The following HSD11B1L variants were observed in gnomAD, a reference collection of about 807,000 sequenced individuals.
HSD11B1L encodes hydroxysteroid 11-beta dehydrogenase 1 like.
In HSD11B1L, 22 loss-of-function variants were observed where a neutral mutation model predicts 27.0. That is an observed-to-expected ratio of 0.81 (90% CI 0.58 to 1.16). HSD11B1L has a LOEUF of 1.16. Ranked by LOEUF, HSD11B1L falls within the 50% of genes most tolerant of loss-of-function variation. The pLI, the probability that HSD11B1L is intolerant of heterozygous loss-of-function variation, is 0.00. For missense variants in HSD11B1L, 372 were observed against 401.8 expected, an observed-to-expected ratio of 0.93 and a Z score of 0.63; for synonymous variants, 187 against 189.2, an observed-to-expected ratio of 0.99 and a Z score of 0.09.
intron 1 of HSD11B1L, among the ~76,000 whole-genome samples, chr19:5,683,554 G>C (rs1193878371): frequency 6.6e-6 from 1 of 152,172 alleles, no homozygotes; most frequent in East Asian, 1.9e-4. Context: ...TGCCCTTATG[G>C]AGCTGATGGT....
chr19:5,681,742 A>G (rs924177061), intron 1 of HSD11B1L, among the ~76,000 whole-genome samples: 1 of 147,562 alleles, frequency 6.8e-6, no homozygotes, highest in African/African-American at 2.6e-5. Flanking sequence ...TCATCCATCT[A>G]TCCACCCATA....
chr19:5,682,013 C>T (rs958861993), intron 1 of HSD11B1L, among the ~76,000 whole-genome samples: 1 of 152,168 alleles, frequency 6.6e-6, no homozygotes, highest in Non-Finnish European at 1.5e-5. Flanking sequence ...GGTGGAAGCT[C>T]GTTTCTTGCT....
Position 5,688,273 on chromosome 19 carries a change from C to A in HSD11B1L, c.*328C>A, listed in dbSNP as rs982719401. The A allele has an allele frequency of 2.5e-6, 3 of 1,195,688 alleles. No individual in the cohort carries two copies. The highest frequency in any genetic ancestry group is 3.5e-6 in the Non-Finnish European group (3 of 862,730). 74.1% of individuals were successfully genotyped at this position (1,195,688 alleles called of 1,614,324 possible). A position where few individuals can be genotyped will look rare whatever the true frequency, so the allele number is the denominator to read the frequency against. On this transcript the variant is annotated 3_prime_UTR_variant, in exon 8 of 8. Coordinates refer to ENST00000339423, the MANE Select transcript of HSD11B1L (RefSeq NM_198706.3). The stretch of plus-strand genomic sequence containing the variant: ...ACGCCACCCTTGAGCCACCCATGGA[C>A]CCCTCTCCATCTCCTGCCTGCGCCT...
At chr19:5,684,736 G>A in intron 1 of HSD11B1L, 83 bp from the exon 2 acceptor site, 1 of 1,598,352 alleles carries the variant, frequency 6.3e-7, no homozygotes, top group South Asian at 1.1e-5. Flanking sequence ...ATCCAAGGCG[G>A]TGGCATCACC....
At chr19:5,684,079 G>A (rs1462549413) in intron 1 of HSD11B1L, 1 of 476,170 alleles carries the variant, frequency 2.1e-6, no homozygotes, top group Non-Finnish European at 3.8e-6. Context: ...AGGTTCAAGC[G>A]ATTCTCCTGC....
chr19:5,681,837 A>C (rs1568296733), intron 1 of HSD11B1L, among the ~76,000 whole-genome samples: 2 of 152,096 alleles, frequency 1.3e-5, no homozygotes, highest in African/African-American at 4.8e-5. Flanking sequence ...CTATGCATCC[A>C]TACATGCATC....
At chr19:5,684,781 G>T in intron 1 of HSD11B1L, 38 bp from the exon 2 acceptor site, 2 of 1,612,718 alleles carry the variant, frequency 1.2e-6, no homozygotes, top group Admixed American at 1.7e-5. Context: ...TGTGGGCCAG[G>T]CCTGTGCCGG....
chr19:5,688,126 G>A lies in HSD11B1L; in HGVS notation c.*181G>A, dbSNP rs761394201. On this transcript the variant is annotated 3_prime_UTR_variant, in exon 8 of 8. Coordinates refer to ENST00000339423, the MANE Select transcript of HSD11B1L (RefSeq NM_198706.3). ...ACCTGGAACCAGTCACGGCTTGGGAGGTGCAGGTGCCCCGTGTTAGGCGCC... is the reference window on the plus strand; with the variant it reads ...ACCTGGAACCAGTCACGGCTTGGGAAGTGCAGGTGCCCCGTGTTAGGCGCC... 2.0e-5 allele frequency: 31 copies of A among 1,551,178 alleles called. No individual in the cohort carries two copies. In the South Asian group the frequency reaches 3.6e-4, roughly 18 times the overall value.
chr19:5,683,011 G>A (rs995807699), intron 1 of HSD11B1L, among the ~76,000 whole-genome samples: 2 of 151,690 alleles, frequency 1.3e-5, no homozygotes, highest in East Asian at 1.9e-4. Flanking sequence ...AGTCCTAGCT[G>A]CTCCATTGGC....
At position 5,684,868 on chromosome 19, in the gene HSD11B1L, G is replaced by T; in HGVS notation, c.36G>T (p.Leu12=). ...TTCTCCTCACAGGGCTGGGGGCCCT[G>T]TTCTTCGCCTATTATTGGGATGACA... ...KVLLLTGLGA[L]FFAYYWDDNF... The change falls in exon 2 of 8, where the codon CTG becomes CTT. Residue 12 remains leucine, a synonymous_variant. Coordinates refer to ENST00000339423, the MANE Select transcript of HSD11B1L (RefSeq NM_198706.3). 6.2e-7 allele frequency: 1 copy of T among 1,613,928 alleles called. No individual in the cohort carries two copies. The highest frequency in any genetic ancestry group is 8.5e-7 in the Non-Finnish European group (1 of 1,180,016).
At position 5,687,819 on chromosome 19, in the gene HSD11B1L, C is replaced by T. The variant is rs1001067229; in HGVS notation, c.735C>T (p.Ala245=). The change falls in exon 8 of 8, where the codon GCC becomes GCT. Residue 245 remains alanine (A), a synonymous_variant. Transcript: ENST00000339423. This position sits in a 1 kb window ranked among gnomAD's most constrained non-coding sequence, Gnocchi z 6.6. ...CCCTGGCCGTGATCCGCGGCGGCGC[C>T]ACGCGCGCGGCCGGCGTCTTCTACC... ...KAALAVIRGG[A]TRAAGVFYPW... 2 of 1,539,606 alleles carry T rather than the reference C, an allele frequency of 1.3e-6. No homozygotes were observed. The highest frequency in any genetic ancestry group is 2.0e-5 in the Admixed American group (1 of 49,212).
rs893155168 is a variant in HSD11B1L at position 5,685,161 on chromosome 19, G to T, written c.204+42G>T. ...CTAGATGAATGGTGGGGGTGCTCATGGGGGGTGGGAAGAGAGCCTGGGTTT... is the reference window on the plus strand; with the variant it reads ...CTAGATGAATGGTGGGGGTGCTCATTGGGGGTGGGAAGAGAGCCTGGGTTT... On this transcript the variant is annotated intron_variant, in intron 3 of 7. Coordinates refer to ENST00000339423, the MANE Select transcript of HSD11B1L (RefSeq NM_198706.3). The surrounding 1 kb of genome is among the most constrained non-coding windows in gnomAD (Gnocchi z 4.3). 5.9e-6 allele frequency: 9 copies of T among 1,537,510 alleles called. No homozygotes were observed. Among genetic ancestry groups the T allele is most frequent in the Non-Finnish European group, 7.9e-6 (9 of 1,145,866 alleles).
Position 5,684,458 on chromosome 19 carries a change from C to A in HSD11B1L, c.-14-361C>A, listed in dbSNP as rs1481893473. 7.3e-6 allele frequency: 3 copies of A among 408,522 alleles called. No homozygotes were observed. In the Middle Eastern group the frequency reaches 9.4e-4, roughly 128 times the overall value. The allele number at this position is 408,522 out of a possible 1,614,324, so 25.3% of individuals were successfully genotyped here. A position where few individuals can be genotyped will look rare whatever the true frequency, so the allele number is the denominator to read the frequency against. ...ATAGTGACTGGCTGGTTTCAAGGAA[C>A]AGCGAAGGGTCTGTTTTAGTGGAGC... is the stretch of plus-strand genomic sequence containing the variant. On this transcript the variant is annotated intron_variant, in intron 1 of 7. Transcript: ENST00000339423.
rs1047460989 is a variant in HSD11B1L at position 5,686,490 on chromosome 19, G to T, written c.279G>T (p.Ala93=). ...YIAADMASPE[A]PESVVQFALD... Reference sequence around the variant, plus strand: ...CGGCGGACATGGCCTCCCCTGAGGCGCCCGAGAGCGTGGTGCAGTTTGCGC... The same window carrying T: ...CGGCGGACATGGCCTCCCCTGAGGCTCCCGAGAGCGTGGTGCAGTTTGCGC... Residue 93 remains alanine (A), a synonymous_variant, in exon 4 of 8, where the codon GCG becomes GCT. Transcript: ENST00000339423. 1.9e-6 allele frequency: 3 copies of T among 1,585,084 alleles called. No individual in the cohort carries two copies. Among genetic ancestry groups the T allele is most frequent in the South Asian group, 2.3e-5 (2 of 86,358 alleles).
At position 5,688,025 on chromosome 19, in the gene HSD11B1L, A is replaced by G. The variant is rs1001098231; in HGVS notation, c.*80A>G. ...CCCTGGAGCCAGAACACTCACAGAG[A>G]CACCCCTGAGAGGGTGGCCACAGCC... On this transcript the variant is annotated 3_prime_UTR_variant, in exon 8 of 8. Transcript: ENST00000339423. The G allele has an allele frequency of 6.4e-7, 1 of 1,551,420 alleles. No homozygotes were observed. The highest frequency in any genetic ancestry group is 1.4e-5 in the African/African-American group (1 of 73,038).
chr19:5,686,114 T>G (rs2054683097), intron 3 of HSD11B1L, among the ~76,000 whole-genome samples: 1 of 152,204 alleles, frequency 6.6e-6, no homozygotes, highest in Non-Finnish European at 1.5e-5. Flanking sequence ...AGGGTATGGC[T>G]CTTGGGCACA....
At position 5,684,844 on chromosome 19, in the gene HSD11B1L, TCTC is replaced by T. The variant is rs1371773059; in HGVS notation, c.16_18del (p.Leu6del). 5 of 1,613,620 alleles carry T rather than the reference TCTC, an allele frequency of 3.1e-6. No individual in the cohort carries two copies. The highest frequency in any genetic ancestry group is 3.3e-5 in the Admixed American group (2 of 60,002). The stretch of plus-strand genomic sequence containing the variant: ...GCCCACACAGGACCATGAAGGTGCT[TCTC>T]CTCACAGGGCTGGGGGCCCTGTTCT... On this transcript the variant is annotated inframe_deletion, in exon 2 of 8. Coordinates refer to ENST00000339423, the MANE Select transcript of HSD11B1L (RefSeq NM_198706.3).
In HSD11B1L at chr19:5,687,976, G is replaced by A. The variant is rs544743697; in HGVS notation, c.*31G>A. On this transcript the variant is annotated 3_prime_UTR_variant, in exon 8 of 8. Transcript: ENST00000339423. The surrounding 1 kb of genome is among the most constrained non-coding windows in gnomAD (Gnocchi z 6.6). ...GGGGGGTGCCCCTCCAGTCCCAGAC[G>A]GCAATGTTCCTCCCTCCAACTGTCC... 77 of 1,553,512 alleles carry A rather than the reference G, an allele frequency of 5.0e-5. 1 individual carries two copies. In the South Asian group the frequency reaches 7.8e-4, roughly 16 times the overall value.
intron 2 of HSD11B1L, 31 bp downstream of exon 2, chr19:5,684,936 C>A: frequency 6.2e-7 from 1 of 1,612,858 alleles, no homozygotes; most frequent in Non-Finnish European, 8.5e-7. Context: ...GAGGGAGAAA[C>A]CGGGCCAGCT....
Sources: gnomAD v4.1 joint callset for allele counts (sites outside exome capture counted in the v4.1 genomes callset) on GRCh38, gnomAD v4.1.1 for gene constraint, Gnocchi (gnomAD v3.1) non-coding constraint, MANE v1.5 for transcripts, NCBI Gene and HGNC (gene_info 2026-07-23, HGNC 2026-07-21) for gene names.